The following PLCH1 variants were observed in gnomAD, a reference collection of about 807,000 sequenced individuals.
PLCH1 encodes phospholipase C eta 1.
In PLCH1, 60 loss-of-function variants were observed where a neutral mutation model predicts 126.7. That is an observed-to-expected ratio of 0.47 (90% CI 0.38 to 0.59). The LOEUF (loss-of-function observed/expected upper bound fraction) is 0.59, where lower values mean the gene tolerates loss of function less well. Among genes scored for constraint, PLCH1 ranks in the 20% least tolerant of loss-of-function variants. The pLI, the probability that PLCH1 is intolerant of heterozygous loss-of-function variation, is 0.00. For missense variants in PLCH1, 1,723 were observed against 2,040.0 expected, an observed-to-expected ratio of 0.84 and a Z score of 2.99; for synonymous variants, 719 against 734.9, an observed-to-expected ratio of 0.98 and a Z score of 0.35.
At chr3:155,683,849 T>C (rs556996946) in intron 2 of PLCH1, among the ~76,000 whole-genome samples, 5 of 152,312 alleles carry the variant, frequency 3.3e-5, no homozygotes, top group Non-Finnish European at 5.9e-5. Flanking sequence ...TGGGATGCAC[T>C]TTCCCCTGAA....
intron 14 of PLCH1, 70 bp from the exon 15 acceptor site, chr3:155,497,487 C>T (rs1182516775): frequency 9.4e-7 from 1 of 1,067,330 alleles, no homozygotes; most frequent in East Asian, 2.4e-5. Flanking sequence ...GGTTATCCCA[C>T]TTTCCTTATT....
At chr3:155,644,212 C>T (rs1289790248) in intron 2 of PLCH1, among the ~76,000 whole-genome samples, 2 of 152,244 alleles carry the variant, frequency 1.3e-5, no homozygotes, top group Admixed American at 6.5e-5. Context: ...CCCAGAACCA[C>T]AGCTCCAACC....
intron 19 of PLCH1, among the ~76,000 whole-genome samples, chr3:155,489,811 A>G (rs901160312): frequency 6.6e-6 from 1 of 152,212 alleles, no homozygotes; most frequent in Non-Finnish European, 1.5e-5. Context: ...AAGTGTTTAA[A>G]AATGTATGCA....
chr3:155,468,351 G>C (rs1713007433), intron 21 of PLCH1, among the ~76,000 whole-genome samples: 1 of 152,124 alleles, frequency 6.6e-6, no homozygotes, highest in Non-Finnish European at 1.5e-5. Context: ...AGGAAGAGAA[G>C]ACCACAAAAC....
intron 1 of PLCH1, among the ~76,000 whole-genome samples, chr3:155,712,843 C>T (rs1453378105): frequency 6.6e-6 from 1 of 151,696 alleles, no homozygotes; most frequent in Admixed American, 6.6e-5. Context: ...CCGTCTCCAC[C>T]TCTTTCTCTC....
rs1714344316 is a variant in PLCH1, at chr3:155,482,631, C to T, written c.3395G>A (p.Gly1132Asp). ...HSNLEIKNLE[G>D]NRGKGRAATS... ...TGCAGCTCGGCCCTTACCCCTATTA[C>T]CTTCCAGGTTCTTAATTTCTAGGTT... The change falls in exon 23 of 23, where the codon GGT becomes GAT. Residue 1132 changes from glycine (G) to aspartate (D), a missense_variant. Coordinates refer to ENST00000460012, the MANE Select transcript of PLCH1 (RefSeq NM_014996.4). The T allele has an allele frequency of 1.9e-6, 3 of 1,614,030 alleles. No individual in the cohort carries two copies. The highest frequency in any genetic ancestry group is 1.7e-5 in the Admixed American group (1 of 60,004).
chr3:155,460,587 C>T (rs7616618), intron 21 of PLCH1, among the ~76,000 whole-genome samples: 5 of 151,730 alleles, frequency 3.3e-5, no homozygotes, highest in Non-Finnish European at 5.9e-5. Context: ...GTTAGCCCCC[C>T]CTCCAGGCCA....
chr3:155,469,791 G>A (rs989818955), intron 21 of PLCH1, among the ~76,000 whole-genome samples: 1 of 152,004 alleles, frequency 6.6e-6, no homozygotes, highest in African/African-American at 2.4e-5. Context: ...CAGCCTAACT[G>A]GGAGGCACCC....
chr3:155,546,677 G>C (rs1299449257), intron 10 of PLCH1, among the ~76,000 whole-genome samples: 1 of 150,672 alleles, frequency 6.6e-6, no homozygotes, highest in East Asian at 1.9e-4. Flanking sequence ...CATGGTACTG[G>C]TACCAAAACA....
At chr3:155,567,834 A>T (rs974395159) in intron 7 of PLCH1, among the ~76,000 whole-genome samples, 10 of 104,336 alleles carry the variant, frequency 9.6e-5, no homozygotes, top group African/African-American at 2.6e-4. Context: ...AAATACAGTC[A>T]GTTGCTACCA....
chr3:155,735,867 A>G (rs1226793901), intron 1 of PLCH1, among the ~76,000 whole-genome samples: 1 of 152,168 alleles, frequency 6.6e-6, no homozygotes, highest in Non-Finnish European at 1.5e-5. Flanking sequence ...CGTCTGAAAA[A>G]ACACACAAGA....
At chr3:155,530,243 A>G (rs1257367603) in intron 10 of PLCH1, among the ~76,000 whole-genome samples, 1 of 151,936 alleles carries the variant, frequency 6.6e-6, no homozygotes, top group Non-Finnish European at 1.5e-5. Flanking sequence ...CACCTCAAGA[A>G]CCCACTTGCT....
intron 2 of PLCH1, among the ~76,000 whole-genome samples, chr3:155,701,449 C>G (rs16825324): frequency 6.6e-6 from 1 of 151,960 alleles, no homozygotes; most frequent in African/African-American, 2.4e-5. Flanking sequence ...TAGAAAGAGA[C>G]CCTGGCTGGC....
chr3:155,556,503 C>T (rs1056679075), intron 8 of PLCH1, among the ~76,000 whole-genome samples: 2 of 152,234 alleles, frequency 1.3e-5, no homozygotes, highest in African/African-American at 4.8e-5. Context: ...TCAAAATGCT[C>T]ACCATAATTA....
chr3:155,737,180 C>A (rs1052151052), intron 1 of PLCH1, among the ~76,000 whole-genome samples: 1 of 128,738 alleles, frequency 7.8e-6, no homozygotes, highest in Non-Finnish European at 1.6e-5. Context: ...TGCAGTGAGC[C>A]GAGATCACGC....
chr3:155,726,335 T>G (rs2109154830), intron 1 of PLCH1, among the ~76,000 whole-genome samples: 1 of 152,334 alleles, frequency 6.6e-6, no homozygotes, highest in Admixed American at 6.5e-5. Context: ...TTTTAAAGAT[T>G]GTTTTTTAAT....
At position 155,577,923 on chromosome 3, in the gene PLCH1, T is replaced by C. The variant is rs144936364; in HGVS notation, c.771+5549A>G. ...GAATATCTTGGGCAAAGGACTTTCCTGTTCATCATTGCAATGTTCAATTTG... is the reference window on the plus strand; with the variant it reads ...GAATATCTTGGGCAAAGGACTTTCCCGTTCATCATTGCAATGTTCAATTTG... On this transcript the variant is annotated intron_variant, in intron 6 of 22. Transcript: ENST00000460012. Among the ~76,000 whole-genome samples the C allele has an allele frequency of 1.8e-3, 278 of 152,350 alleles. 2 individuals are homozygous for C. The highest frequency in any genetic ancestry group is 6.5e-3 in the African/African-American group (269 of 41,582).
At position 155,481,832 on chromosome 3, in the gene PLCH1, G is replaced by A. The variant is rs767980846; in HGVS notation, c.4194C>T (p.Asn1398=). The A allele has an allele frequency of 2.0e-5, 32 of 1,614,024 alleles. No individual in the cohort carries two copies. The highest frequency in any genetic ancestry group is 3.3e-5 in the Admixed American group (2 of 60,002). ...VVEHFQRGLR[N]GYCKETLRPS... ...GGCGGAGGGTCTCTTTACAGTAGCC[G>A]TTTCTCAAACCTCTTTGAAAGTGTT... is the stretch of plus-strand genomic sequence containing the variant. Residue 1398 remains asparagine (N), a synonymous_variant, in exon 23 of 23, where the codon AAC becomes AAT. Transcript: ENST00000460012. The surrounding 1 kb of genome is among the most constrained non-coding windows in gnomAD (Gnocchi z 4.2).
At chr3:155,708,038 G>T (rs1463508895) in intron 1 of PLCH1, among the ~76,000 whole-genome samples, 2 of 152,080 alleles carry the variant, frequency 1.3e-5, no homozygotes, top group Non-Finnish European at 2.9e-5. Context: ...CTGTTTCCCA[G>T]TTACTGAGAA....
Sources: gnomAD v4.1 joint callset for allele counts (sites outside exome capture counted in the v4.1 genomes callset) on GRCh38, gnomAD v4.1.1 for gene constraint, Gnocchi (gnomAD v3.1) non-coding constraint, MANE v1.5 for transcripts, NCBI Gene and HGNC (gene_info 2026-07-23, HGNC 2026-07-21) for gene names.